The following RIF1 variants were observed in gnomAD, a reference collection of about 807,000 sequenced individuals.
The protein encoded by RIF1 is replication timing regulatory factor 1.
In RIF1, 45 loss-of-function variants were observed where a neutral mutation model predicts 247.1. That is an observed-to-expected ratio of 0.18 (90% CI 0.14 to 0.23). The LOEUF is 0.23. RIF1 is among the 10% of genes least tolerant of loss of function. The pLI is 1.00. For synonymous variants in RIF1, 1,087 were observed against 978.8 expected (o/e 1.11, Z -2.06); for missense variants, 2,967 against 2,862.5 (o/e 1.04, Z -0.83).
At chr2:151,468,407 G>A in intron 31 of RIF1, 67 bp from the exon 32 acceptor site, 1 of 1,283,702 alleles carries the variant, frequency 7.8e-7, no homozygotes, top group Non-Finnish European at 1.1e-6. Context: ...AGTCTAAGTT[G>A]TAAAAATTGT....
the RIF1 span, chr2:151,526,011 G>T: frequency 6.2e-7 from 1 of 1,614,002 alleles, no homozygotes; most frequent in Non-Finnish European, 8.5e-7. Flanking sequence ...CGGGTCTCTG[G>T]TAGTGTTGTG....
At chr2:151,511,479 A>C (rs2153232764), downstream of RIF1, among the ~76,000 whole-genome samples, 1 of 152,358 alleles carries the variant, frequency 6.6e-6, no homozygotes, top group East Asian at 1.9e-4. Context: ...AAAAACAAAC[A>C]AAAATAGATT....
chr2:151,526,119 C>G, the RIF1 span: 1 of 1,612,276 alleles, frequency 6.2e-7, no homozygotes, highest in East Asian at 2.2e-5. Context: ...GGGCGTTCTC[C>G]CAAGAGGGAA....
At chr2:151,434,328 T>G (rs901745181) in intron 10 of RIF1, among the ~76,000 whole-genome samples, 2 of 152,142 alleles carry the variant, frequency 1.3e-5, no homozygotes, top group Non-Finnish European at 2.9e-5. Flanking sequence ...CACAATGATT[T>G]TACGAATTCT....
chr2:151,494,649 T>G (rs1384392831), intron 9 of RIF1, among the ~76,000 whole-genome samples: 5 of 152,048 alleles, frequency 3.3e-5, no homozygotes, highest in African/African-American at 1.2e-4. Context: ...TTTTGTTTTG[T>G]TTTGTTTTGT....
the RIF1 span, chr2:151,518,181 C>A: frequency 1.4e-6 from 1 of 706,450 alleles, no homozygotes. Flanking sequence ...GAATTTGTTT[C>A]AAAAAGTTAC....
At chr2:151,514,041 G>A in the RIF1 span, among the ~76,000 whole-genome samples, 3 of 152,164 alleles carry the variant, frequency 2.0e-5, no homozygotes, top group East Asian at 1.9e-4. Flanking sequence ...TAGTGTTTTC[G>A]TGTAGATGAG....
Position 151,410,566 on chromosome 2 carries a change from T to C in RIF1, c.104+39T>C, listed in dbSNP as rs770491639. 16 of 1,500,300 alleles carry C rather than the reference T, an allele frequency of 1.1e-5. No individual in the cohort carries two copies. The Admixed American group carries it at 2.4e-4, about 23-fold the overall frequency. The allele number at this position is 1,500,300 out of a possible 1,614,324, so 92.9% of individuals were successfully genotyped here. ...CGGGGCGTAGCGGAGAGTGGGGCGCTCTATAGTGGGGAGAAAGAAGGTGGT... is the reference window on the plus strand; with the variant it reads ...CGGGGCGTAGCGGAGAGTGGGGCGCCCTATAGTGGGGAGAAAGAAGGTGGT... On this transcript the variant is annotated intron_variant, in intron 2 of 35. Transcript: ENST00000444746.
chr2:151,458,205 AAGG>A (rs1426334477), intron 24 of RIF1, among the ~76,000 whole-genome samples: 2 of 151,486 alleles, frequency 1.3e-5, no homozygotes, highest in Admixed American at 6.6e-5. Context: ...TAAAAGAGAC[AAGG>A]AGGACAGGAA....
chr2:151,493,771 A>C (rs1276160013), intron 9 of RIF1: 2 of 1,548,506 alleles, frequency 1.3e-6, no homozygotes, highest in East Asian at 4.6e-5. Context: ...CCTTTCTAAA[A>C]TACCGAGCTA....
intron 6 of RIF1, among the ~76,000 whole-genome samples, chr2:151,418,332 G>A (rs1687567547): frequency 6.6e-6 from 1 of 152,120 alleles, no homozygotes; most frequent in African/African-American, 2.4e-5. Context: ...AGCTTCCCGA[G>A]TAGCTGGGAT....
intron 25 of RIF1, among the ~76,000 whole-genome samples, chr2:151,459,372 C>T (rs778298125): frequency 6.6e-6 from 1 of 152,150 alleles, no homozygotes; most frequent in African/African-American, 2.4e-5. Flanking sequence ...GTTAAAGGCA[C>T]GGGTACTATA....
In RIF1 at chr2:151,465,405, A is replaced by T. The variant is rs1364009735; in HGVS notation, c.5885A>T (p.Lys1962Ile). ...SEADTAKLNA[K>I]EVATEEFNSD... is the part of the protein sequence containing the mutation. The stretch of plus-strand genomic sequence containing the variant: ...GCAGACACAGCTAAACTGAATGCCA[A>T]AGAAGTAGCAACTGAGGAATTTAAT... Residue 1962 changes from lysine (K) to isoleucine (I), a missense_variant, in exon 30 of 36, where the codon AAA (lysine) becomes ATA (isoleucine). This residue lies in a region of RIF1 where 2,028 missense variants were observed against 1,825.6 expected (regional missense o/e 1.11). Coordinates refer to ENST00000444746, the MANE Select transcript of RIF1 (RefSeq NM_018151.5). 6.2e-7 allele frequency: 1 copy of T among 1,613,778 alleles called. No homozygotes were observed. The highest frequency in any genetic ancestry group is 1.1e-5 in the South Asian group (1 of 90,990).
At chr2:151,492,988 G>A (rs1479523616) in intron 9 of RIF1, 2 of 225,210 alleles carry the variant, frequency 8.9e-6, no homozygotes, top group African/African-American at 4.7e-5. Flanking sequence ...TATTACCCAT[G>A]TCATAAAGTA....
In RIF1 at chr2:151,455,137, G is replaced by A. The variant is rs113438605; in HGVS notation, c.2587G>A (p.Ala863Thr). The A allele has an allele frequency of 8.7e-6, 14 of 1,610,378 alleles. No individual in the cohort carries two copies. The African/African-American group carries it at 1.3e-4, about 15-fold the overall frequency. Residue 863 changes from alanine (A) to threonine (T), a missense_variant, in exon 22 of 36, where the codon GCA becomes ACA. By Grantham distance (58) the Ala-to-Thr change is moderately conservative. This residue lies in a region of RIF1 where 2,028 missense variants were observed against 1,825.6 expected (regional missense o/e 1.11). Transcript: ENST00000444746. ...ATTTGCAACTTTAACAAGACCTCTG[G>A]CATTATTTTATGAAAACTCAAAGTA... ...KIFATLTRPL[A>T]LFYENSKLDE...
At chr2:151,517,630 C>T in the RIF1 span, among the ~76,000 whole-genome samples, 1 of 152,172 alleles carries the variant, frequency 6.6e-6, no homozygotes, top group African/African-American at 2.4e-5. Context: ...TAGCCTACTA[C>T]ACACCTAGGC....
intron 16 of RIF1, among the ~76,000 whole-genome samples, chr2:151,442,573 G>A (rs1425500078): frequency 1.3e-5 from 2 of 151,912 alleles, no homozygotes; most frequent in African/African-American, 4.8e-5. Context: ...TTTCCTAGTT[G>A]TTTATATACG....
At chr2:151,496,860 T>TA (rs1327834472) in intron 10 of RIF1, 2 of 1,393,856 alleles carry the variant, frequency 1.4e-6, no homozygotes, top group African/African-American at 2.9e-5. Flanking sequence ...CTTTAGAAAA[T>TA]AGGATTAATA....
At chr2:151,529,430 G>T in the RIF1 span, 1 of 709,714 alleles carries the variant, frequency 1.4e-6, no homozygotes, top group Non-Finnish European at 2.4e-6. Context: ...CCTTAAGACG[G>T]AATTTTAAAA....
Sources: allele counts gnomAD v4.1 joint callset (sites outside exome capture counted in the v4.1 genomes callset), GRCh38; gene constraint gnomAD v4.1.1; regional missense constraint gnomAD v4.1.1; transcripts MANE v1.5; gene names NCBI Gene and HGNC (gene_info 2026-07-23, HGNC 2026-07-21).